NCAPH: variants seen among roughly 807,000 people sequenced by gnomAD.
NCAPH encodes the protein condensin complex subunit 2.
A neutral mutation model predicts 85.5 loss-of-function variants in NCAPH; 38 were observed. That is an observed-to-expected ratio of 0.44 (90% CI 0.34 to 0.58). The LOEUF (loss-of-function observed/expected upper bound fraction) is 0.58, where lower values mean the gene tolerates loss of function less well. NCAPH is among the 20% of genes least tolerant of loss of function. The pLI, the probability that NCAPH is intolerant of heterozygous loss-of-function variation, is 0.01. For missense variants in NCAPH, 789 were observed against 916.6 expected, an observed-to-expected ratio of 0.86 and a Z score of 1.80; for synonymous variants, 301 against 335.1, an observed-to-expected ratio of 0.90 and a Z score of 1.11.
intron 8 of NCAPH, 25 bp from the exon 9 acceptor site, chr2:96,354,158 A>T: frequency 6.2e-7 from 1 of 1,607,140 alleles, no homozygotes; most frequent in Non-Finnish European, 8.5e-7. Context: ...AATGAGAATT[A>T]CAGAACCCTC....
intron 7 of NCAPH, among the ~76,000 whole-genome samples, chr2:96,352,885 A>C (rs759066872): frequency 3.3e-5 from 5 of 152,214 alleles, no homozygotes; most frequent in Non-Finnish European, 5.9e-5. Flanking sequence ...CCCCTGAAGT[A>C]AGTCTTCTCT....
At chr2:96,359,839 G>A (rs1290804256) in intron 10 of NCAPH, among the ~76,000 whole-genome samples, 1 of 152,190 alleles carries the variant, frequency 6.6e-6, no homozygotes, top group African/African-American at 2.4e-5. Context: ...GCCTAGGCTG[G>A]TCTCGACTCC....
Position 96,373,396 on chromosome 2 carries a change from A to T in NCAPH, c.*45A>T. On this transcript the variant is annotated 3_prime_UTR_variant, in exon 18 of 18. Transcript: ENST00000240423. ...GCAGCAGGAGGCCCATCCCTTACTCAGTTGCCGGGACATCCCCAGTCTCGG... is the reference window on the plus strand; with the variant it reads ...GCAGCAGGAGGCCCATCCCTTACTCTGTTGCCGGGACATCCCCAGTCTCGG... 1 of 1,571,776 alleles carries T rather than the reference A, an allele frequency of 6.4e-7. No individual in the cohort carries two copies. The highest frequency in any genetic ancestry group is 8.7e-7 in the Non-Finnish European group (1 of 1,143,266).
chr2:96,352,750 C>T (rs538779367), intron 7 of NCAPH, among the ~76,000 whole-genome samples: 1 of 152,150 alleles, frequency 6.6e-6, no homozygotes, highest in Non-Finnish European at 1.5e-5. Context: ...TAATACTTCC[C>T]CTCCAGGCTG....
chr2:96,353,208 C>A, intron 7 of NCAPH, 98 bp from the exon 8 acceptor site: 1 of 943,942 alleles, frequency 1.1e-6, no homozygotes. Context: ...GTAACTGTGC[C>A]TCTCATCTCT....
chr2:96,371,966 T>C (rs2064780310), intron 17 of NCAPH, among the ~76,000 whole-genome samples: 1 of 152,230 alleles, frequency 6.6e-6, no homozygotes, highest in Admixed American at 6.5e-5. Flanking sequence ...TGAGGCCCTC[T>C]GCCTTCATGT....
chr2:96,352,876 C>T (rs1186957218), intron 7 of NCAPH, among the ~76,000 whole-genome samples: 2 of 152,120 alleles, frequency 1.3e-5, no homozygotes, highest in Non-Finnish European at 2.9e-5. Context: ...GGCTCTAATC[C>T]CCTGAAGTAA....
chr2:96,354,378 C>G lies in NCAPH; in HGVS notation c.1198C>G (p.Gln400Glu), dbSNP rs765629363. 5 of 1,586,068 alleles carry G rather than the reference C, an allele frequency of 3.2e-6. No homozygotes were observed. The South Asian group carries it at 5.7e-5, about 18-fold the overall frequency. ...FRSWKEPCQV[Q>E]SCQEEMISLG... Reference sequence around the variant, plus strand: ...GAGCTGGAAGGAGCCCTGCCAGGTTCAGAGCTGCCAGTAAGGCTCTCAGAG... The same window carrying G: ...GAGCTGGAAGGAGCCCTGCCAGGTTGAGAGCTGCCAGTAAGGCTCTCAGAG... Residue 400 changes from glutamine (Q) to glutamate (E), a missense_variant, in exon 9 of 18, where the codon CAG becomes GAG. By Grantham distance (29) the Gln-to-Glu change is conservative. Coordinates refer to ENST00000240423, the MANE Select transcript of NCAPH (RefSeq NM_015341.5).
At chr2:96,369,977 C>G (rs1191477973) in intron 17 of NCAPH, among the ~76,000 whole-genome samples, 1 of 152,200 alleles carries the variant, frequency 6.6e-6, no homozygotes, top group Non-Finnish European at 1.5e-5. Context: ...AAGGAGAATC[C>G]TGAAGTGCCA....
At chr2:96,360,119 C>T (rs1260205972) in intron 10 of NCAPH, 24 bp from the exon 11 acceptor site, 8 of 1,305,850 alleles carry the variant, frequency 6.1e-6, no homozygotes, top group Non-Finnish European at 8.8e-6. Flanking sequence ...AAGTGAAGTG[C>T]TGACGTCTGT....
chr2:96,348,794 G>A (rs537189926), intron 6 of NCAPH, among the ~76,000 whole-genome samples: 3 of 151,946 alleles, frequency 2.0e-5, no homozygotes, highest in South Asian at 2.1e-4. Context: ...TAGCTGGGAC[G>A]CACCACCACG....
At chr2:96,344,344 A>G (rs1406737304) in intron 6 of NCAPH, 115 bp downstream of exon 6, 27 of 1,196,390 alleles carry the variant, frequency 2.3e-5, no homozygotes, top group Admixed American at 5.9e-5. Context: ...TCAAGGGAGT[A>G]AAATATTCAA....
intron 2 of NCAPH, 66 bp downstream of exon 2, chr2:96,341,960 C>A (rs1015737934): frequency 2.5e-6 from 4 of 1,604,568 alleles, no homozygotes; most frequent in Non-Finnish European, 3.4e-6. Context: ...TAGGTCCAGG[C>A]ATCTCCACAA....
chr2:96,339,137 G>A (rs1464466374), intron 1 of NCAPH, among the ~76,000 whole-genome samples: 2 of 152,236 alleles, frequency 1.3e-5, no homozygotes, highest in Non-Finnish European at 2.9e-5. Context: ...CGCTAGGTTT[G>A]TGGTCATTTG....
intron 15 of NCAPH, among the ~76,000 whole-genome samples, chr2:96,367,648 G>A (rs1432584961): frequency 6.6e-6 from 1 of 152,146 alleles, no homozygotes; most frequent in Admixed American, 6.5e-5. Context: ...GAGAGATCCT[G>A]TATCTTGAAA....
rs767616806 is a variant in NCAPH, at chr2:96,353,369, C to T, written c.974C>T (p.Thr325Ile). Residue 325 changes from threonine to isoleucine, a missense_variant, in exon 8 of 18, where the codon ACA becomes ATA. Thr to Ile is a moderately conservative substitution (Grantham distance 89). Transcript: ENST00000240423. The part of the protein sequence containing the change: ...ICPSLAGFQF[T>I]QWDSETHNES... Reference sequence around the variant, plus strand: ...CCTTCCCTGGCCGGGTTCCAGTTTACACAGTGGGACAGTGAAACACATAAT... The same window carrying T: ...CCTTCCCTGGCCGGGTTCCAGTTTATACAGTGGGACAGTGAAACACATAAT... The T allele has an allele frequency of 1.2e-6, 2 of 1,614,196 alleles. No individual in the cohort carries two copies. The highest frequency in any genetic ancestry group is 8.5e-7 in the Non-Finnish European group (1 of 1,180,006).
At chr2:96,337,239 G>T (rs1052137144) in intron 1 of NCAPH, among the ~76,000 whole-genome samples, 1 of 152,212 alleles carries the variant, frequency 6.6e-6, no homozygotes, top group African/African-American at 2.4e-5. Context: ...TTCTCTCTTA[G>T]ACAAGGTTCT....
chr2:96,361,816 ATATATATATATATTTT>A (rs2064623685), intron 12 of NCAPH, among the ~76,000 whole-genome samples: 1 of 96,534 alleles, frequency 1.0e-5, no homozygotes, highest in Non-Finnish European at 2.2e-5. Context: ...GTATATATAT[ATATATATATATATTTT>A]TTTTTTTTTT....
Position 96,341,680 on chromosome 2 carries a change from C to T in NCAPH, c.58C>T (p.Arg20Ter), listed in dbSNP as rs762474127. 7.4e-6 allele frequency: 12 copies of T among 1,614,018 alleles called. No individual in the cohort carries two copies. Among genetic ancestry groups the T allele is most frequent in the South Asian group, 2.2e-5 (2 of 91,086 alleles). The part of the protein sequence containing the change: ...ATMNNSSSET[R>*]GHPHSASSPS... ...AATGAATAACTCTTCTTCAGAGACGCGAGGACACCCCCACAGTGCCTCCTC... is the reference window on the plus strand; with the variant it reads ...AATGAATAACTCTTCTTCAGAGACGTGAGGACACCCCCACAGTGCCTCCTC... The change falls in exon 2 of 18, where the codon CGA becomes TGA. Residue 20 changes from arginine (R) to a stop codon, truncating the protein, a stop_gained. Coordinates refer to ENST00000240423, the MANE Select transcript of NCAPH (RefSeq NM_015341.5). LOFTEE classifies it high-confidence loss of function.
Sources: allele counts gnomAD v4.1 joint callset (sites outside exome capture counted in the v4.1 genomes callset), GRCh38; gene constraint gnomAD v4.1.1; transcripts MANE v1.5; gene names NCBI Gene and HGNC (gene_info 2026-07-23, HGNC 2026-07-21).